Variants in PLCB1 observed in about 807,000 individuals in gnomAD.
PLCB1 encodes the protein phospholipase C beta 1.
In PLCB1, 46 loss-of-function variants were observed where a neutral mutation model predicts 161.8. That is an observed-to-expected ratio of 0.28 (90% CI 0.22 to 0.36). PLCB1 has a LOEUF of 0.36. Ranked by LOEUF, PLCB1 falls within the 10% of genes least tolerant of loss-of-function variation. The pLI is 1.00. For synonymous variants in PLCB1, 517 were observed against 503.7 expected (o/e 1.03, Z -0.35); for missense variants, 1,016 against 1,472.5 (o/e 0.69, Z 5.07).
intron 19 of PLCB1, among the ~76,000 whole-genome samples, chr20:8,736,711 A>C (rs1980604135): frequency 6.6e-6 from 1 of 152,204 alleles, no homozygotes; most frequent in Non-Finnish European, 1.5e-5. Context: ...CCACACACTT[A>C]TTAAACCATC....
chr20:8,520,247 T>C (rs1199534340), intron 3 of PLCB1, among the ~76,000 whole-genome samples: 1 of 152,198 alleles, frequency 6.6e-6, no homozygotes, highest in East Asian at 1.9e-4. Context: ...TGGAATCTCA[T>C]GTTAGGAATT....
intron 2 of PLCB1, among the ~76,000 whole-genome samples, chr20:8,315,229 T>C (rs567166263): frequency 6.6e-6 from 1 of 152,146 alleles, no homozygotes; most frequent in Non-Finnish European, 1.5e-5. Context: ...ACCGAGGAAG[T>C]AACATATATG....
At chr20:8,268,636 C>G (rs564739392) in intron 2 of PLCB1, among the ~76,000 whole-genome samples, 1 of 152,274 alleles carries the variant, frequency 6.6e-6, no homozygotes, top group Admixed American at 6.5e-5. Flanking sequence ...CTGTTGTTTC[C>G]TGACCTTTTA....
chr20:8,409,497 T>C (rs1315038956), intron 3 of PLCB1, among the ~76,000 whole-genome samples: 3 of 151,762 alleles, frequency 2.0e-5, no homozygotes, highest in Admixed American at 6.6e-5. Flanking sequence ...AGTTTCGCTC[T>C]TGTGGCTCAG....
At chr20:8,806,231 A>G (rs1275193943) in intron 31 of PLCB1, among the ~76,000 whole-genome samples, 1 of 152,080 alleles carries the variant, frequency 6.6e-6, no homozygotes, top group African/African-American at 2.4e-5. Flanking sequence ...AGTTTCTGTC[A>G]CTGAGAGGTG....
chr20:8,614,960 A>G (rs1370929047), intron 3 of PLCB1, among the ~76,000 whole-genome samples: 1 of 152,166 alleles, frequency 6.6e-6, no homozygotes, highest in Non-Finnish European at 1.5e-5. Flanking sequence ...CATGCAATTA[A>G]TTCATATTCA....
intron 31 of PLCB1, among the ~76,000 whole-genome samples, chr20:8,842,999 A>G (rs1266832857): frequency 1.3e-5 from 2 of 152,216 alleles, no homozygotes; most frequent in Non-Finnish European, 2.9e-5. Context: ...TTTGGCAATA[A>G]CAACAGGCCG....
intron 31 of PLCB1, among the ~76,000 whole-genome samples, chr20:8,791,111 A>C (rs6056116): frequency 0.25 from 38,185 of 151,986 alleles, 5,324 homozygotes; most frequent in South Asian, 0.35. Flanking sequence ...TCTTATGGAT[A>C]ATTCTAAATA....
intron 3 of PLCB1, among the ~76,000 whole-genome samples, chr20:8,439,269 G>C (rs1351780234): frequency 6.6e-6 from 1 of 152,142 alleles, no homozygotes; most frequent in Admixed American, 6.5e-5. Flanking sequence ...AAGCCTCCAG[G>C]CATCTAGCAG....
intron 2 of PLCB1, among the ~76,000 whole-genome samples, chr20:8,279,185 C>G (rs180921896): frequency 5.9e-4 from 90 of 152,274 alleles, no homozygotes; most frequent in African/African-American, 1.7e-3. Flanking sequence ...AGCAGGGACT[C>G]TAACAAATAC....
At chr20:8,142,278 C>T (rs978636796) in intron 1 of PLCB1, among the ~76,000 whole-genome samples, 9 of 152,128 alleles carry the variant, frequency 5.9e-5, no homozygotes, top group South Asian at 2.1e-4. Flanking sequence ...ATGAGACCTT[C>T]GTGACCTTTG....
chr20:8,587,162 A>G (rs1987015691), intron 3 of PLCB1, among the ~76,000 whole-genome samples: 1 of 139,812 alleles, frequency 7.2e-6, no homozygotes, highest in Non-Finnish European at 1.5e-5. Flanking sequence ...AACTAACGCC[A>G]GCACTATCAA....
At chr20:8,475,255 C>T (rs1982225745) in intron 3 of PLCB1, among the ~76,000 whole-genome samples, 1 of 152,034 alleles carries the variant, frequency 6.6e-6, no homozygotes, top group Non-Finnish European at 1.5e-5. Flanking sequence ...GTGGTGGAGG[C>T]TTACTCTGTG....
intron 1 of PLCB1, among the ~76,000 whole-genome samples, chr20:8,136,376 T>G (rs573104353): frequency 1.3e-4 from 20 of 152,072 alleles, no homozygotes; most frequent in African/African-American, 4.8e-4. Context: ...CCTGTAATCC[T>G]AGCACTTTGG....
intron 2 of PLCB1, among the ~76,000 whole-genome samples, chr20:8,295,329 T>A (rs957238387): frequency 1.3e-5 from 2 of 152,186 alleles, no homozygotes; most frequent in Admixed American, 6.6e-5. Context: ...TTTATATTTA[T>A]AACAAAATAA....
intron 9 of PLCB1, among the ~76,000 whole-genome samples, chr20:8,684,180 A>T (rs148709781): frequency 4.0e-5 from 6 of 151,366 alleles, no homozygotes; most frequent in Non-Finnish European, 5.9e-5. Flanking sequence ...CACCGCGCCC[A>T]GCCCCAAAAA....
rs948799153 is a variant in PLCB1, at chr20:8,763,621, A to G, written c.2711-1518A>G. Among the ~76,000 whole-genome samples the G allele has an allele frequency of 2.0e-5, 3 of 152,192 alleles. No homozygotes were observed. The East Asian group carries it at 5.9e-4, about 30-fold the overall frequency. On this transcript the variant is annotated intron_variant, in intron 25 of 31. Coordinates refer to ENST00000338037, the MANE Select transcript of PLCB1 (RefSeq NM_015192.4). Reference sequence around the variant, plus strand: ...AGGCTGGTCTCGAACTCCTGACCTCAGATATCCACCCACCTTGGCCTCCCA... The same window carrying G: ...AGGCTGGTCTCGAACTCCTGACCTCGGATATCCACCCACCTTGGCCTCCCA...
intron 2 of PLCB1, among the ~76,000 whole-genome samples, chr20:8,369,799 T>A (rs961637145): frequency 6.6e-6 from 1 of 152,226 alleles, no homozygotes; most frequent in African/African-American, 2.4e-5. Context: ...CTGTTTCCTG[T>A]CCACCCTTCA....
intron 2 of PLCB1, among the ~76,000 whole-genome samples, chr20:8,230,830 A>T (rs887699147): frequency 1.5e-4 from 23 of 152,134 alleles, no homozygotes; most frequent in Middle Eastern, 3.2e-3. Context: ...TTGCTGATTT[A>T]GACTCTAGTT....
Sources: allele counts gnomAD v4.1 joint callset (sites outside exome capture counted in the v4.1 genomes callset), GRCh38; gene constraint gnomAD v4.1.1; transcripts MANE v1.5; gene names NCBI Gene and HGNC (gene_info 2026-07-23, HGNC 2026-07-21).